The following F10 variants were observed in gnomAD, a reference collection of about 807,000 sequenced individuals.
F10 encodes the protein Stuart-Prower factor.
A neutral mutation model predicts 37.1 loss-of-function variants in F10; 29 were observed. That is an observed-to-expected ratio of 0.78 (90% CI 0.58 to 1.07). The LOEUF is 1.07. Ranked by LOEUF, F10 falls within the 50% of genes least tolerant of loss-of-function variation. The pLI is 0.00. For synonymous variants in F10, 262 were observed against 268.6 expected, an observed-to-expected ratio of 0.98 and a Z score of 0.24; for missense variants, 539 against 667.9, an observed-to-expected ratio of 0.81 and a Z score of 2.13.
chr13:113,122,899 C>A lies in F10; in HGVS notation c.44C>A (p.Ala15Asp), dbSNP rs767484560. ...LHLVLLSASLAGLLLLGESLF... is the reference protein window; with the variant it reads ...LHLVLLSASLDGLLLLGESLF... The stretch of plus-strand genomic sequence containing the variant: ...CTCGTCCTGCTCAGTGCCTCCCTGG[C>A]TGGCCTCCTGCTGCTCGGGGAAAGT... Residue 15 changes from alanine to aspartate, a missense_variant, in exon 1 of 8, where the codon GCT becomes GAT. This residue lies in a region of F10 where 130 missense variants were observed against 120.0 expected (regional missense o/e 1.08). Transcript: ENST00000375559. 2 of 1,610,698 alleles carry A rather than the reference C, an allele frequency of 1.2e-6. No homozygotes were observed. Among genetic ancestry groups the A allele is most frequent in the South Asian group, 2.2e-5 (2 of 91,088 alleles).
chr13:113,145,848 A>C (rs1008307981), intron 6 of F10, among the ~76,000 whole-genome samples: 2 of 152,214 alleles, frequency 1.3e-5, no homozygotes, highest in African/African-American at 2.4e-5. Flanking sequence ...GTTACCTCCC[A>C]CCAGGTCCCT....
chr13:113,129,921 C>A (rs935750127), intron 2 of F10: 1 of 389,724 alleles, frequency 2.6e-6, no homozygotes, highest in Admixed American at 3.7e-5. Context: ...AACCTAAAAA[C>A]CAATAGTCAT....
At chr13:113,131,813 A>G (rs1309489355) in intron 2 of F10, 1 of 152,314 alleles carries the variant, frequency 6.6e-6, no homozygotes, top group African/African-American at 2.4e-5. Context: ...GCTGTTGACA[A>G]ACAAGACAAG....
chr13:113,129,604 G>C lies in F10; in HGVS notation c.223G>C (p.Asp75His). ...GGCCCGCGAGGTCTTTGAGGACAGC[G>C]ACAAGACGGTAAGGGCTGGGGATAG... ...EEAREVFEDS[D>H]KTNEFWNKYK... Residue 75 changes from aspartate to histidine, a missense_variant, in exon 2 of 8, where the codon GAC (aspartate) becomes CAC (histidine). By Grantham distance (81) the Asp-to-His change is moderately conservative. Around this residue, in one of 2 missense-constraint regions of F10, gnomAD observed 130 missense variants for 120.0 expected, o/e 1.08. Coordinates refer to ENST00000375559, the MANE Select transcript of F10 (RefSeq NM_000504.4). The C allele has an allele frequency of 6.2e-7, 1 of 1,614,160 alleles. No individual in the cohort carries two copies. Among genetic ancestry groups the C allele is most frequent in the East Asian group, 2.2e-5 (1 of 44,874 alleles).
At chr13:113,135,899 T>C (rs1409479967) in intron 2 of F10, among the ~76,000 whole-genome samples, 2 of 152,206 alleles carry the variant, frequency 1.3e-5, no homozygotes, top group Non-Finnish European at 2.9e-5. Flanking sequence ...AATTGGACTT[T>C]ATCAAAATTA....
chr13:113,140,218 C>T (rs1425126969), intron 4 of F10, among the ~76,000 whole-genome samples: 1 of 151,920 alleles, frequency 6.6e-6, no homozygotes, highest in African/African-American at 2.4e-5. Flanking sequence ...GGACTATAGG[C>T]CCCGGCCACC....
intron 2 of F10, chr13:113,130,817 G>C (rs1023114646): frequency 2.0e-5 from 3 of 152,222 alleles, no homozygotes; most frequent in Non-Finnish European, 4.4e-5. Context: ...GAAGTTACAA[G>C]TTATGGCCAG....
Position 113,149,089 on chromosome 13 carries a change from G to A in F10, c.1039G>A (p.Asp347Asn). Residue 347 changes from aspartate to asparagine, a missense_variant, in exon 8 of 8, where the codon GAC becomes AAC. Around this residue, in one of 2 missense-constraint regions of F10, gnomAD observed 409 missense variants for 547.9 expected, o/e 0.75. Transcript: ENST00000375559. The surrounding 1 kb of genome is among the most constrained non-coding windows in gnomAD (Gnocchi z 7.5). ...GGCGCCTGCCTGCCTCCCCGAGCGT[G>A]ACTGGGCCGAGTCCACGCTGATGAC... ...NVAPACLPER[D>N]WAESTLMTQK... is the part of the protein sequence containing the mutation. 6.2e-7 allele frequency: 1 copy of A among 1,613,202 alleles called. No individual in the cohort carries two copies. Among genetic ancestry groups the A allele is most frequent in the Non-Finnish European group, 8.5e-7 (1 of 1,179,992 alleles).
chr13:113,139,426 C>A lies in F10; in HGVS notation c.326C>A (p.Thr109Asn). The part of the protein sequence containing the change: ...GKCKDGLGEY[T>N]CTCLEGFEGK... ...TGTAAAGACGGCCTCGGGGAATACA[C>A]CTGCACCTGTTTAGAAGGATTCGAA... The change falls in exon 4 of 8, where the codon ACC becomes AAC. Residue 109 changes from threonine to asparagine, a missense_variant. Around this residue, in one of 2 missense-constraint regions of F10, gnomAD observed 409 missense variants for 547.9 expected, o/e 0.75. Transcript: ENST00000375559. This position sits in a 1 kb window ranked among gnomAD's most constrained non-coding sequence, Gnocchi z 5.2. The A allele has an allele frequency of 6.2e-7, 1 of 1,613,964 alleles. No homozygotes were observed. The highest frequency in any genetic ancestry group is 8.5e-7 in the Non-Finnish European group (1 of 1,179,894).
Position 113,144,655 on chromosome 13 carries a change from T to C in F10, c.747+560T>C, listed in dbSNP as rs896025648. ...AACACCTAAATCCTATGGAGGTAGATAGTACCTTAGAGAAAAACACATCTA... is the reference window on the plus strand; with the variant it reads ...AACACCTAAATCCTATGGAGGTAGACAGTACCTTAGAGAAAAACACATCTA... On this transcript the variant is annotated intron_variant, in intron 6 of 7. Coordinates refer to ENST00000375559, the MANE Select transcript of F10 (RefSeq NM_000504.4). This position sits in a 1 kb window ranked among gnomAD's most constrained non-coding sequence, Gnocchi z 6.4. 1.3e-5 allele frequency among the ~76,000 whole-genome samples: 2 copies of C among 152,264 alleles called. No homozygotes were observed. Among genetic ancestry groups the C allele is most frequent in the Non-Finnish European group, 2.9e-5 (2 of 68,048 alleles).
Position 113,141,086 on chromosome 13 carries a change from G to A in F10, c.502+36G>A, listed in dbSNP as rs779199224. 79 of 1,610,704 alleles carry A rather than the reference G, an allele frequency of 4.9e-5. No individual in the cohort carries two copies. The highest frequency in any genetic ancestry group is 2.7e-4 in the East Asian group (12 of 44,872). Reference sequence around the variant, plus strand: ...CGTTGGGCCACAGCCACCCGCTGCCGCTGGGCCGGGCCAGGGAGGACAAGC... The same window carrying A: ...CGTTGGGCCACAGCCACCCGCTGCCACTGGGCCGGGCCAGGGAGGACAAGC... On this transcript the variant is annotated intron_variant, in intron 5 of 7. Transcript: ENST00000375559. This position sits in a 1 kb window ranked among gnomAD's most constrained non-coding sequence, Gnocchi z 5.4.
chr13:113,145,362 G>C (rs1299192578), intron 6 of F10, among the ~76,000 whole-genome samples: 1 of 149,928 alleles, frequency 6.7e-6, no homozygotes, highest in Non-Finnish European at 1.5e-5. Flanking sequence ...AATGCTGCCA[G>C]ATTAAACAAA....
Position 113,132,359 on chromosome 13 carries a change from C to A in F10, c.231+2747C>A, listed in dbSNP as rs3211748. On this transcript the variant is annotated intron_variant, in intron 2 of 7. Coordinates refer to ENST00000375559, the MANE Select transcript of F10 (RefSeq NM_000504.4). ...TCTTCTTTACTTATATATAGCTACC[C>A]TATAGCTAAGCTATATTTTATTGTA... Among the ~76,000 whole-genome samples, 1,286 of 152,288 alleles carry A rather than the reference C, an allele frequency of 8.4e-3. 10 individuals carry two copies. Among genetic ancestry groups the A allele is most frequent in the African/African-American group, 0.03 (1,233 of 41,558 alleles).
At position 113,146,830 on chromosome 13, in the gene F10, C is replaced by A. The variant is rs1595097806; in HGVS notation, c.748-549C>A. Reference sequence around the variant, plus strand: ...GCTCCCTAGGGACAGCATGTGGCACCCCTGTCAGTGCTTGCTCCCCTGGGA... The same window carrying A: ...GCTCCCTAGGGACAGCATGTGGCACACCTGTCAGTGCTTGCTCCCCTGGGA... On this transcript the variant is annotated intron_variant, in intron 6 of 7. Coordinates refer to ENST00000375559, the MANE Select transcript of F10 (RefSeq NM_000504.4). This position sits in a 1 kb window ranked among gnomAD's most constrained non-coding sequence, Gnocchi z 4.5. Among the ~76,000 whole-genome samples the A allele has an allele frequency of 6.6e-6, 1 of 152,134 alleles. No homozygotes were observed. The highest frequency in any genetic ancestry group is 1.9e-4 in the East Asian group (1 of 5,182).
Position 113,143,699 on chromosome 13 carries a change from ACGTGGGGCCTC to A in F10, c.503-151_503-141del. On this transcript the variant is annotated intron_variant, in intron 5 of 7. Transcript: ENST00000375559. The surrounding 1 kb of genome is among the most constrained non-coding windows in gnomAD (Gnocchi z 6.8). ...CCTGCAGATCCGACCCCTGCCGACG[ACGTGGGGCCTC>A]GCCCTGCAAGCCCGCTGCCCCTCCG... 1 of 1,203,552 alleles carries A rather than the reference ACGTGGGGCCTC, an allele frequency of 8.3e-7. No homozygotes were observed. Among genetic ancestry groups the A allele is most frequent in the Non-Finnish European group, 1.2e-6 (1 of 856,654 alleles). 74.6% of individuals were successfully genotyped at this position (1,203,552 alleles called of 1,614,324 possible).
At chr13:113,135,321 T>G (rs1288178948) in intron 2 of F10, among the ~76,000 whole-genome samples, 1 of 152,174 alleles carries the variant, frequency 6.6e-6, no homozygotes, top group Non-Finnish European at 1.5e-5. Flanking sequence ...TTTGTGCTTC[T>G]ATAACAAAAT....
rs2036524088 is a variant in F10 at position 113,141,107 on chromosome 13, C to T, written c.502+57C>T. 1.2e-6 allele frequency: 2 copies of T among 1,606,826 alleles called. No homozygotes were observed. Among genetic ancestry groups the T allele is most frequent in the Non-Finnish European group, 1.7e-6 (2 of 1,178,876 alleles). On this transcript the variant is annotated intron_variant, in intron 5 of 7. Transcript: ENST00000375559. This position sits in a 1 kb window ranked among gnomAD's most constrained non-coding sequence, Gnocchi z 5.4. ...TGCCGCTGGGCCGGGCCAGGGAGGACAAGCCCGTGCCAGGGGGTGGGGACA... is the reference window on the plus strand; with the variant it reads ...TGCCGCTGGGCCGGGCCAGGGAGGATAAGCCCGTGCCAGGGGGTGGGGACA...
chr13:113,135,085 A>G (rs2036466378), intron 2 of F10, among the ~76,000 whole-genome samples: 1 of 152,088 alleles, frequency 6.6e-6, no homozygotes. Context: ...TACTAAAAAA[A>G]TACAAAAATT....
In F10 at chr13:113,146,644, G is replaced by A. The variant is rs1198921513; in HGVS notation, c.748-735G>A. ...TTATGCAAAAAAGAGGCAAAAACATGACCCCTTTTCTAGCCATGAATGTTT... is the reference window on the plus strand; with the variant it reads ...TTATGCAAAAAAGAGGCAAAAACATAACCCCTTTTCTAGCCATGAATGTTT... On this transcript the variant is annotated intron_variant, in intron 6 of 7. Coordinates refer to ENST00000375559, the MANE Select transcript of F10 (RefSeq NM_000504.4). The surrounding 1 kb of genome is among the most constrained non-coding windows in gnomAD (Gnocchi z 4.5). Among the ~76,000 whole-genome samples the A allele has an allele frequency of 1.3e-5, 2 of 152,164 alleles. No individual in the cohort carries two copies. The highest frequency in any genetic ancestry group is 2.9e-5 in the Non-Finnish European group (2 of 68,018).
Sources: allele counts gnomAD v4.1 joint callset (sites outside exome capture counted in the v4.1 genomes callset), GRCh38; gene constraint gnomAD v4.1.1; regional missense constraint gnomAD v4.1.1; non-coding constraint Gnocchi (gnomAD v3.1); transcripts MANE v1.5; gene names NCBI Gene and HGNC (gene_info 2026-07-23, HGNC 2026-07-21).